Variants in KIAA1217 observed in about 807,000 individuals in gnomAD.
KIAA1217 encodes KIAA1217, also known as sickle tail protein homolog.
A neutral mutation model predicts 163.9 loss-of-function variants in KIAA1217; 88 were observed. That is an observed-to-expected ratio of 0.54 (90% confidence interval 0.45 to 0.64). The LOEUF (loss-of-function observed/expected upper bound fraction) is 0.64, where lower values mean the gene tolerates loss of function less well. KIAA1217 is among the 30% of genes least tolerant of loss of function. The pLI, the probability that KIAA1217 is intolerant of heterozygous loss-of-function variation, is 0.00. For missense variants in KIAA1217, 2,372 were observed against 2,475.0 expected (o/e 0.96, Z 0.88); for synonymous variants, 903 against 923.1 (o/e 0.98, Z 0.39).
At position 23,869,124 on chromosome 10, in the gene KIAA1217, G is replaced by GTTTTTTTT. The variant is rs58288361; in HGVS notation, c.-320-138078_-320-138071dup. Among the ~76,000 whole-genome samples, 27 of 31,724 alleles carry GTTTTTTTT rather than the reference G, an allele frequency of 8.5e-4. 4 individuals carry two copies. The highest frequency in any genetic ancestry group is 2.1e-3 in the African/African-American group (17 of 8,288). 20.8% of individuals were successfully genotyped at this position (31,724 alleles called of 152,430 possible). A position where few individuals can be genotyped will look rare whatever the true frequency, so the allele number is the denominator to read the frequency against. On this transcript the variant is annotated intron_variant, in intron 1 of 18. Transcript: ENST00000376462. The stretch of plus-strand genomic sequence containing the variant: ...GTGTAACGTGCAATCATGAAATGTA[G>GTTTTTTTT]TTTTTTTTTTTTTTTTTTTTTTTTT...
chr10:24,494,833 G>C, intron 7 of KIAA1217: 4 of 578,778 alleles, frequency 6.9e-6, no homozygotes, highest in Non-Finnish European at 1.2e-5. Flanking sequence ...GCCCAAGAAG[G>C]TAAATGGGCT....
chr10:23,948,161 T>A (rs1408907282), intron 1 of KIAA1217, among the ~76,000 whole-genome samples: 1 of 152,184 alleles, frequency 6.6e-6, no homozygotes, highest in East Asian at 1.9e-4. Context: ...GGGCATAGAT[T>A]CTGGTTCAAA....
intron 2 of KIAA1217, among the ~76,000 whole-genome samples, chr10:24,045,814 T>C (rs1848973628): frequency 1.3e-5 from 2 of 152,148 alleles, no homozygotes; most frequent in African/African-American, 4.8e-5. Flanking sequence ...TACTGGTGTG[T>C]TTTTATTCTG....
chr10:23,724,627 C>A (rs991166339), intron 1 of KIAA1217, among the ~76,000 whole-genome samples: 3 of 151,988 alleles, frequency 2.0e-5, no homozygotes, highest in South Asian at 2.1e-4. Context: ...CAAATTTTAC[C>A]CCTAAATATC....
At chr10:24,154,027 G>A (rs2064755555) in intron 2 of KIAA1217, among the ~76,000 whole-genome samples, 2 of 149,178 alleles carry the variant, frequency 1.3e-5, no homozygotes, top group South Asian at 2.1e-4. Context: ...GCGGGATCTC[G>A]GCTCACTGCA....
In KIAA1217 at chr10:24,504,034, C is replaced by T. The variant is rs550067231; in HGVS notation, c.2001+2489C>T. 1.1e-4 allele frequency among the ~76,000 whole-genome samples: 16 copies of T among 152,316 alleles called. 1 individual carries two copies. The highest frequency in any genetic ancestry group is 9.1e-4 in the Admixed American group (14 of 15,304). On this transcript the variant is annotated intron_variant, in intron 9 of 20. Transcript: ENST00000376454. ...GAGGTGAATTTGATACCAAGGCTCTCTTGATGTCTGTAGCTACAGCGTCAC... is the reference window on the plus strand; with the variant it reads ...GAGGTGAATTTGATACCAAGGCTCTTTTGATGTCTGTAGCTACAGCGTCAC...
intron 1 of KIAA1217, among the ~76,000 whole-genome samples, chr10:23,874,154 C>T (rs1454745630): frequency 6.6e-6 from 1 of 152,014 alleles, no homozygotes; most frequent in Non-Finnish European, 1.5e-5. Context: ...ATTCACCCCT[C>T]ATGGTTAGCT....
chr10:24,002,196 T>C (rs1846772327), intron 1 of KIAA1217, among the ~76,000 whole-genome samples: 1 of 152,200 alleles, frequency 6.6e-6, no homozygotes, highest in African/African-American at 2.4e-5. Context: ...TTTGTGGCAA[T>C]TGCCCTCAAT....
chr10:24,382,449 GTTA>G (rs2053436648), intron 3 of KIAA1217, among the ~76,000 whole-genome samples: 1 of 151,914 alleles, frequency 6.6e-6, no homozygotes, highest in Non-Finnish European at 1.5e-5. Context: ...CTACAACTTT[GTTA>G]TTATTTGTAT....
intron 2 of KIAA1217, among the ~76,000 whole-genome samples, chr10:24,243,854 C>G (rs946341102): frequency 1.3e-5 from 2 of 151,702 alleles, no homozygotes; most frequent in Admixed American, 6.6e-5. Flanking sequence ...TTTTAGAAGC[C>G]CAGTGAAGCT....
intron 3 of KIAA1217, among the ~76,000 whole-genome samples, chr10:24,403,593 T>C (rs765914554): frequency 6.6e-6 from 1 of 152,184 alleles, no homozygotes; most frequent in Non-Finnish European, 1.5e-5. Context: ...GAAATATTTG[T>C]AAACCACATC....
intron 2 of KIAA1217, among the ~76,000 whole-genome samples, chr10:24,058,033 CTTATG>C (rs965080924): frequency 5.3e-5 from 8 of 152,236 alleles, no homozygotes; most frequent in Admixed American, 5.2e-4. Context: ...AGTTTCAGGT[CTTATG>C]TTTAAATTAT....
intron 3 of KIAA1217, among the ~76,000 whole-genome samples, chr10:24,426,830 A>G (rs1240967029): frequency 2.0e-5 from 3 of 152,232 alleles, no homozygotes; most frequent in Non-Finnish European, 2.9e-5. Flanking sequence ...TAAGAGGTCC[A>G]GTCCCACTGC....
At chr10:24,507,658 T>C (rs959139881) in intron 9 of KIAA1217, among the ~76,000 whole-genome samples, 2 of 152,044 alleles carry the variant, frequency 1.3e-5, no homozygotes, top group East Asian at 1.9e-4. Context: ...ACAATATTAA[T>C]AAAAGATGAA....
At chr10:24,260,213 G>A (rs1270961827) in intron 2 of KIAA1217, among the ~76,000 whole-genome samples, 1 of 152,150 alleles carries the variant, frequency 6.6e-6, no homozygotes, top group Non-Finnish European at 1.5e-5. Flanking sequence ...AAAGTTGAGA[G>A]TCAGAGCTCT....
chr10:23,737,646 A>G (rs7075061), intron 1 of KIAA1217, among the ~76,000 whole-genome samples: 33,276 of 152,092 alleles, frequency 0.22, 3,862 homozygotes, highest in African/African-American at 0.29. Flanking sequence ...CAGAATAAAA[A>G]ATAGTACACA....
chr10:24,186,381 G>A (rs1278919923), intron 2 of KIAA1217, among the ~76,000 whole-genome samples: 1 of 152,124 alleles, frequency 6.6e-6, no homozygotes, highest in Non-Finnish European at 1.5e-5. Context: ...ATTATCCACT[G>A]CCTTCCAGAG....
At chr10:24,428,263 G>A (rs2059329353) in intron 3 of KIAA1217, among the ~76,000 whole-genome samples, 1 of 152,202 alleles carries the variant, frequency 6.6e-6, no homozygotes, top group Non-Finnish European at 1.5e-5. Context: ...ATGTACCATA[G>A]CAATCACATG....
In KIAA1217 at chr10:24,049,838, G is replaced by A. The variant is rs150877698; in HGVS notation, c.-171+42464G>A. Among the ~76,000 whole-genome samples the A allele has an allele frequency of 3.4e-3, 518 of 152,234 alleles. 1 individual carries two copies. Among genetic ancestry groups the A allele is most frequent in the Middle Eastern group, 6.8e-3 (2 of 294 alleles). On this transcript the variant is annotated intron_variant, in intron 2 of 18. Coordinates refer to the KIAA1217 transcript ENST00000376462. ...GTTTATACCCGGTAATGGGATTGCT[G>A]GGTCAAATGGTATTTCTGGTTCTAG...
Sources: gnomAD v4.1 joint callset for allele counts (sites outside exome capture counted in the v4.1 genomes callset) on GRCh38, gnomAD v4.1.1 for gene constraint, MANE v1.5 for transcripts, NCBI Gene and HGNC (gene_info 2026-07-23, HGNC 2026-07-21) for gene names.